Variants in MEST observed in about 807,000 individuals in gnomAD.
MEST encodes mesoderm specific transcript.
A neutral mutation model predicts 50.9 loss-of-function variants in MEST; 18 were observed. The ratio of observed to expected loss-of-function variants is 0.35; its 90% CI spans 0.24 to 0.52. The LOEUF is 0.52. Ranked by LOEUF, MEST falls within the 20% of genes least tolerant of loss-of-function variation. MEST has a pLI of 0.94. For missense variants in MEST, 282 were observed against 425.3 expected (o/e 0.66, Z 2.96); for synonymous variants, 130 against 154.1 (o/e 0.84, Z 1.16).
intron 1 of MEST, chr7:130,494,921 G>T: frequency 1.3e-6 from 1 of 765,756 alleles, no homozygotes; most frequent in Non-Finnish European, 1.6e-6. Context: ...CATTTTACTG[G>T]TTGGGGGTAG....
At position 130,495,673 on chromosome 7, in the gene MEST, G is replaced by A. The variant is rs1400409537; in HGVS notation, c.181+151G>A. ...CTGTGTAGTGTGCTTGCAGAGAAGCGCAGAAAACTGCTGGGAGAATGGGGG... is the reference window on the plus strand; with the variant it reads ...CTGTGTAGTGTGCTTGCAGAGAAGCACAGAAAACTGCTGGGAGAATGGGGG... On this transcript the variant is annotated intron_variant, in intron 2 of 11. Transcript: ENST00000223215. The A allele has an allele frequency of 6.4e-5, 48 of 753,402 alleles. 1 individual carries two copies. In the South Asian group the frequency reaches 8.3e-4, roughly 13 times the overall value. The allele number at this position is 753,402 out of a possible 1,614,324, so 46.7% of individuals were successfully genotyped here.
chr7:130,499,994 G>C (rs1799216736), intron 7 of MEST, 79 bp downstream of exon 7: 3 of 1,183,798 alleles, frequency 2.5e-6, no homozygotes, highest in Admixed American at 2.3e-5. Context: ...AAGGGCCATA[G>C]CTCCTGTAAC....
Position 130,500,798 on chromosome 7 carries a change from A to T in MEST, c.657A>T (p.Pro219=), listed in dbSNP as rs782056290. 12 of 1,610,590 alleles carry T rather than the reference A, an allele frequency of 7.5e-6. No individual in the cohort carries two copies. The highest frequency in any genetic ancestry group is 2.7e-5 in the African/African-American group (2 of 74,752). Reference sequence around the variant, plus strand: ...TTTTGGACTCTTTCAGTCTCACCCCAGTCTTTGGGCCGTATACTCGGCCCT... The same window carrying T: ...TTTTGGACTCTTTCAGTCTCACCCCTGTCTTTGGGCCGTATACTCGGCCCT... The part of the protein sequence containing the change: ...NFFVFSRGLT[P]VFGPYTRPSE... Residue 219 remains proline (P), a synonymous_variant, in exon 9 of 12, where the codon CCA becomes CCT. Transcript: ENST00000223215. The surrounding 1 kb of genome is among the most constrained non-coding windows in gnomAD (Gnocchi z 5.0).
Position 130,497,408 on chromosome 7 carries a change from T to C in MEST, c.261+173T>C, listed in dbSNP as rs1314666527. ...CCCATCTCTACTAAAAGTATAAAAA[T>C]TGGCCAGGCATGGTGGCACAAGCCT... On this transcript the variant is annotated intron_variant, in intron 3 of 11. Coordinates refer to ENST00000223215, the MANE Select transcript of MEST (RefSeq NM_002402.4). The surrounding 1 kb of genome is among the most constrained non-coding windows in gnomAD (Gnocchi z 4.0). The C allele has an allele frequency of 1.1e-5, 5 of 435,226 alleles. No homozygotes were observed. The highest frequency in any genetic ancestry group is 4.1e-6 in the Non-Finnish European group (1 of 245,236). The allele number at this position is 435,226 out of a possible 1,614,324, so 27.0% of individuals were successfully genotyped here.
chr7:130,497,500 T>G lies in MEST; in HGVS notation c.261+265T>G. Reference sequence around the variant, plus strand: ...TGAACCCGGGAGGCAGAGGTTGCAGTGAGCTGAGATTGCACCACTGCACTT... The same window carrying G: ...TGAACCCGGGAGGCAGAGGTTGCAGGGAGCTGAGATTGCACCACTGCACTT... On this transcript the variant is annotated intron_variant, in intron 3 of 11. Coordinates refer to ENST00000223215, the MANE Select transcript of MEST (RefSeq NM_002402.4). This position sits in a 1 kb window ranked among gnomAD's most constrained non-coding sequence, Gnocchi z 4.0. 1 of 280,028 alleles carries G rather than the reference T, an allele frequency of 3.6e-6. No individual in the cohort carries two copies. The highest frequency in any genetic ancestry group is 6.7e-6 in the Non-Finnish European group (1 of 148,392). 17.3% of individuals were successfully genotyped at this position (280,028 alleles called of 1,614,324 possible).
chr7:130,488,288 A>G (rs1171978862), upstream of MEST: 5 of 152,256 alleles, frequency 3.3e-5, no homozygotes, highest in African/African-American at 1.2e-4. Context: ...CAATCCCTCT[A>G]GACAGCCCCT....
rs1027095497 is a variant in MEST at position 130,497,682 on chromosome 7, C to T, written c.262-254C>T. ...TAAATGTTGAACTGTTCCTTATTTACTGAAGGGAATAAACAACTCCTTGGC... is the reference window on the plus strand; with the variant it reads ...TAAATGTTGAACTGTTCCTTATTTATTGAAGGGAATAAACAACTCCTTGGC... On this transcript the variant is annotated intron_variant, in intron 3 of 11. Transcript: ENST00000223215. This position sits in a 1 kb window ranked among gnomAD's most constrained non-coding sequence, Gnocchi z 4.0. The T allele has an allele frequency of 1.7e-4, 90 of 517,866 alleles. No individual in the cohort carries two copies. Among genetic ancestry groups the T allele is most frequent in the African/African-American group, 1.3e-3 (70 of 52,512 alleles). 32.1% of individuals were successfully genotyped at this position (517,866 alleles called of 1,614,324 possible). A position where few individuals can be genotyped will look rare whatever the true frequency, so the allele number is the denominator to read the frequency against.
At position 130,497,900 on chromosome 7, in the gene MEST, G is replaced by A. The variant is rs375400652; in HGVS notation, c.262-36G>A. 2.5e-6 allele frequency: 4 copies of A among 1,600,010 alleles called. No homozygotes were observed. Among genetic ancestry groups the A allele is most frequent in the South Asian group, 2.2e-5 (2 of 90,736 alleles). Reference sequence around the variant, plus strand: ...TAGGTCTGGTGAAAGGGAGGGGCAGGAGCAGAAAGCCCAAATCATCGTTTC... The same window carrying A: ...TAGGTCTGGTGAAAGGGAGGGGCAGAAGCAGAAAGCCCAAATCATCGTTTC... On this transcript the variant is annotated intron_variant, in intron 3 of 11. Transcript: ENST00000223215. This position sits in a 1 kb window ranked among gnomAD's most constrained non-coding sequence, Gnocchi z 4.0.
rs1799264675 is a variant in MEST at position 130,501,182 on chromosome 7, G to A, written c.749+292G>A. ...TTTTGCCTATCTTTCTGCAGCAACG[G>A]GGAGTGAGAGGGCAGACTTCTCTTT... is the stretch of plus-strand genomic sequence containing the variant. On this transcript the variant is annotated intron_variant, in intron 9 of 11. Transcript: ENST00000223215. The A allele has an allele frequency of 1.6e-5, 4 of 244,496 alleles. No individual in the cohort carries two copies. The East Asian group carries it at 3.3e-4, about 20-fold the overall frequency. 15.1% of individuals were successfully genotyped at this position (244,496 alleles called of 1,614,324 possible). A position where few individuals can be genotyped will look rare whatever the true frequency, so the allele number is the denominator to read the frequency against.
chr7:130,499,798 C>A (rs529086989), intron 6 of MEST, 77 bp from the exon 7 acceptor site: 2 of 1,218,726 alleles, frequency 1.6e-6, no homozygotes, highest in Non-Finnish European at 2.3e-6. Flanking sequence ...AGCTGGGCAA[C>A]CCAGTGAGAT....
chr7:130,499,030 A>G lies in MEST; in HGVS notation c.535+553A>G, dbSNP rs1799177736. 3.9e-5 allele frequency among the ~76,000 whole-genome samples: 6 copies of G among 152,328 alleles called. No homozygotes were observed. In the South Asian group the frequency reaches 1.2e-3, roughly 32 times the overall value. ...CAATTTTTTTTCTCATCAATGTTTTAAAGAAAGGATGTTATTCAAGGACCT... is the reference window on the plus strand; with the variant it reads ...CAATTTTTTTTCTCATCAATGTTTTGAAGAAAGGATGTTATTCAAGGACCT... On this transcript the variant is annotated intron_variant, in intron 6 of 11. Coordinates refer to ENST00000223215, the MANE Select transcript of MEST (RefSeq NM_002402.4).
upstream of MEST, chr7:130,491,470 T>C (rs1003264657): frequency 2.0e-5 from 3 of 152,310 alleles, no homozygotes; most frequent in Non-Finnish European, 4.4e-5. This position sits in a 1 kb window ranked among gnomAD's most constrained non-coding sequence, Gnocchi z 6.8. Context: ...CCCATGAATC[T>C]GTTTACTAGC....
In MEST at chr7:130,497,165, G is replaced by T; in HGVS notation, c.191G>T (p.Gly64Val). Reference sequence around the variant, plus strand: ...CTTTCCTTCTTCCTAGACTCTGTGGGTGTGGTTGGAAGTCCAGAGATAGTT... The same window carrying T: ...CTTTCCTTCTTCCTAGACTCTGTGGTTGTGGTTGGAAGTCCAGAGATAGTT... ...GLRIFYQDSV[G>V]VVGSPEIVVL... Residue 64 changes from glycine to valine, a missense_variant, in exon 3 of 12, where the codon GGT (glycine) becomes GTT (valine). Transcript: ENST00000223215. This position sits in a 1 kb window ranked among gnomAD's most constrained non-coding sequence, Gnocchi z 4.0. 2 of 1,612,364 alleles carry T rather than the reference G, an allele frequency of 1.2e-6. No homozygotes were observed. The highest frequency in any genetic ancestry group is 1.7e-6 in the Non-Finnish European group (2 of 1,179,108).
Position 130,498,171 on chromosome 7 carries a change from C to T in MEST, c.372C>T (p.Ala124=). The change falls in exon 5 of 12, where the codon GCC becomes GCT. Residue 124 remains alanine (A), a synonymous_variant. Transcript: ENST00000223215. ...ATCACTATTCCATATTTGAGCAGGCCAGCATCGTGGAAGCGCTTTTGCGGC... is the reference window on the plus strand; with the variant it reads ...ATCACTATTCCATATTTGAGCAGGCTAGCATCGTGGAAGCGCTTTTGCGGC... ...RPHHYSIFEQ[A]SIVEALLRHL... 1.2e-6 allele frequency: 2 copies of T among 1,614,134 alleles called. No individual in the cohort carries two copies. The highest frequency in any genetic ancestry group is 2.7e-5 in the African/African-American group (2 of 75,016).
intron 11 of MEST, among the ~76,000 whole-genome samples, chr7:130,504,270 G>T (rs1799389882): frequency 6.6e-6 from 1 of 152,240 alleles, no homozygotes; most frequent in African/African-American, 2.4e-5. Context: ...GCTCTCATGT[G>T]AGTCAAAGGT....
At chr7:130,502,551 G>C in intron 9 of MEST, 93 bp from the exon 10 acceptor site, 1 of 899,776 alleles carries the variant, frequency 1.1e-6, no homozygotes, top group South Asian at 1.5e-5. Flanking sequence ...TTAAGAAATT[G>C]TATCTTGTGT....
upstream of MEST, chr7:130,487,547 A>G (rs963529703): frequency 6.6e-6 from 1 of 152,214 alleles, no homozygotes. Context: ...CTCGTCTGCC[A>G]CTCATCTTTT....
Position 130,497,868 on chromosome 7 carries a change from GCA to G in MEST, c.262-67_262-66del. The G allele has an allele frequency of 7.0e-7, 1 of 1,421,608 alleles. No homozygotes were observed. The highest frequency in any genetic ancestry group is 9.9e-7 in the Non-Finnish European group (1 of 1,005,110). 88.1% of individuals were successfully genotyped at this position (1,421,608 alleles called of 1,614,324 possible). ...GCCAAGATAGGGCTGAAGCTCCTGT[GCA>G]ACTGTAGGTCTGGTGAAAGGGAGGG... On this transcript the variant is annotated intron_variant, in intron 3 of 11. Transcript: ENST00000223215. This position sits in a 1 kb window ranked among gnomAD's most constrained non-coding sequence, Gnocchi z 4.0.
upstream of MEST, chr7:130,488,033 A>G (rs948379650): frequency 6.6e-6 from 1 of 152,206 alleles, no homozygotes; most frequent in Non-Finnish European, 1.5e-5. Flanking sequence ...ACAAAGCAGC[A>G]TGTTGTACCA....
Sources: gnomAD v4.1 joint callset for allele counts (sites outside exome capture counted in the v4.1 genomes callset) on GRCh38, gnomAD v4.1.1 for gene constraint, Gnocchi (gnomAD v3.1) non-coding constraint, MANE v1.5 for transcripts, NCBI Gene and HGNC (gene_info 2026-07-23, HGNC 2026-07-21) for gene names.